The following PIK3C2G variants were observed in gnomAD, a reference collection of about 807,000 sequenced individuals.
PIK3C2G encodes the protein phosphatidylinositol 3-kinase C2 domain-containing subunit gamma.
In PIK3C2G, 168 loss-of-function variants were observed where a neutral mutation model predicts 181.1. The ratio of observed to expected loss-of-function variants is 0.93; its 90% CI spans 0.82 to 1.05. PIK3C2G has a LOEUF of 1.05. PIK3C2G is among the 50% of genes least tolerant of loss of function. The pLI, the probability that PIK3C2G is intolerant of heterozygous loss-of-function variation, is 0.00. For synonymous variants in PIK3C2G, 573 were observed against 592.2 expected, an observed-to-expected ratio of 0.97 and a Z score of 0.47; for missense variants, 1,869 against 1,732.8, an observed-to-expected ratio of 1.08 and a Z score of -1.40.
At chr12:18,532,269 C>T (rs1943595306) in intron 24 of PIK3C2G, among the ~76,000 whole-genome samples, 1 of 152,074 alleles carries the variant, frequency 6.6e-6, no homozygotes, top group African/African-American at 2.4e-5. Flanking sequence ...TTAAAATAGA[C>T]ACTCCAGATA....
chr12:18,711,152 A>C, the PIK3C2G span, among the ~76,000 whole-genome samples: 107 of 152,106 alleles, frequency 7.0e-4, no homozygotes, highest in East Asian at 0.019. Context: ...CAACAACGAT[A>C]GACTGGATTA....
At chr12:18,538,341 A>G in intron 25 of PIK3C2G, 29 bp downstream of exon 25, 1 of 1,568,368 alleles carries the variant, frequency 6.4e-7, no homozygotes, top group Non-Finnish European at 8.6e-7. Context: ...AAAAACAAAA[A>G]TAATAAGCTT....
At chr12:18,315,755 C>T (rs1003572378) in intron 6 of PIK3C2G, among the ~76,000 whole-genome samples, 1 of 152,104 alleles carries the variant, frequency 6.6e-6, no homozygotes, top group Non-Finnish European at 1.5e-5. Context: ...GATTTGAGCA[C>T]AGTCAGTGGG....
intron 31 of PIK3C2G, among the ~76,000 whole-genome samples, chr12:18,612,233 A>G (rs567360002): frequency 1.3e-5 from 2 of 152,142 alleles, no homozygotes; most frequent in South Asian, 4.1e-4. Context: ...TCCCAAGCTC[A>G]TGGATCAATA....
At chr12:18,581,830 T>C (rs541402126) in intron 29 of PIK3C2G, among the ~76,000 whole-genome samples, 43 of 152,144 alleles carry the variant, frequency 2.8e-4, no homozygotes, top group Admixed American at 1.0e-3. Context: ...AGTGTAAATA[T>C]GAAAAAGAAG....
At chr12:18,323,001 G>A (rs926562407) in intron 7 of PIK3C2G, among the ~76,000 whole-genome samples, 5 of 152,260 alleles carry the variant, frequency 3.3e-5, no homozygotes, top group Admixed American at 3.3e-4. Flanking sequence ...ATATCCTTGG[G>A]ACACAAAGGA....
intron 2 of PIK3C2G, among the ~76,000 whole-genome samples, chr12:18,285,622 G>T (rs2137150466): frequency 6.6e-6 from 1 of 152,014 alleles, no homozygotes; most frequent in Middle Eastern, 3.4e-3. Context: ...AAATGCAATG[G>T]TACAATAGTA....
chr12:18,449,604 T>C (rs1947235742), intron 18 of PIK3C2G, among the ~76,000 whole-genome samples: 1 of 152,162 alleles, frequency 6.6e-6, no homozygotes, highest in South Asian at 2.1e-4. Context: ...TCCAGCTTCG[T>C]CCATGTTCCT....
chr12:18,585,827 A>T (rs1312228498), intron 29 of PIK3C2G, among the ~76,000 whole-genome samples: 1 of 152,228 alleles, frequency 6.6e-6, no homozygotes, highest in Admixed American at 6.5e-5. Flanking sequence ...ATTCAAAATA[A>T]CCAGAATGAT....
At chr12:18,604,731 C>T (rs1265424219) in intron 30 of PIK3C2G, among the ~76,000 whole-genome samples, 2 of 152,134 alleles carry the variant, frequency 1.3e-5, no homozygotes, top group Non-Finnish European at 2.9e-5. Flanking sequence ...TGAAAATCAA[C>T]TCCAAAAGGA....
rs374919705 is a variant in PIK3C2G, at chr12:18,348,329, C to CGT, written c.1625+1511_1625+1512dup. On this transcript the variant is annotated intron_variant, in intron 11 of 32. Transcript: ENST00000538779. ...GAATATAAAAAAGTGTGCATTTACGCGTGTGTGTGTGTGTGTGTGCGTATG... is the reference window on the plus strand; with the variant it reads ...GAATATAAAAAAGTGTGCATTTACGCGTGTGTGTGTGTGTGTGTGTGCGTATG... Among the ~76,000 whole-genome samples the CGT allele has an allele frequency of 9.6e-3, 1,429 of 148,764 alleles. 15 individuals carry two copies. Among genetic ancestry groups the CGT allele is most frequent in the African/African-American group, 0.027 (1,107 of 40,608 alleles).
At chr12:18,393,259 CCT>C (rs1246983106) in intron 15 of PIK3C2G, among the ~76,000 whole-genome samples, 12 of 151,980 alleles carry the variant, frequency 7.9e-5, no homozygotes, top group Non-Finnish European at 1.5e-4. Context: ...GCAACATTTT[CCT>C]CTGTTTCACC....
At chr12:18,325,142 T>C (rs968328238) in intron 8 of PIK3C2G, 44 bp downstream of exon 8, 3 of 1,050,920 alleles carry the variant, frequency 2.9e-6, no homozygotes, top group Non-Finnish European at 4.3e-6. Flanking sequence ...GTAAGCGTTT[T>C]TAACGCATCT....
At chr12:18,530,639 A>G (rs966392504) in intron 24 of PIK3C2G, among the ~76,000 whole-genome samples, 1 of 152,188 alleles carries the variant, frequency 6.6e-6, no homozygotes, top group Non-Finnish European at 1.5e-5. Context: ...GTTGAATTGT[A>G]ATCCCCAATG....
chr12:18,291,931 G>A (rs1336819208), intron 4 of PIK3C2G, among the ~76,000 whole-genome samples: 1 of 151,034 alleles, frequency 6.6e-6, no homozygotes, highest in African/African-American at 2.4e-5. Flanking sequence ...TATAGGGGCT[G>A]GGCACAGTGG....
intron 29 of PIK3C2G, among the ~76,000 whole-genome samples, chr12:18,592,134 G>A (rs895728257): frequency 6.6e-6 from 1 of 151,752 alleles, no homozygotes; most frequent in Non-Finnish European, 1.5e-5. Context: ...GATATTTTGA[G>A]ATAGAAGGCT....
intron 26 of PIK3C2G, among the ~76,000 whole-genome samples, chr12:18,562,184 T>C (rs1256819318): frequency 6.6e-6 from 1 of 152,198 alleles, no homozygotes; most frequent in East Asian, 1.9e-4. Context: ...CAGGCTGGAG[T>C]GCAGCCGCAG....
chr12:18,688,129 A>T, the PIK3C2G span: 2 of 1,611,776 alleles, frequency 1.2e-6, no homozygotes, highest in East Asian at 4.5e-5. Context: ...TCATTTGATC[A>T]TTTGGAACAC....
intron 29 of PIK3C2G, among the ~76,000 whole-genome samples, chr12:18,586,216 A>G (rs2136449158): frequency 6.6e-6 from 1 of 152,280 alleles, no homozygotes; most frequent in South Asian, 2.1e-4. Context: ...AATATGAAAT[A>G]ACCAAAATCA....
Sources: allele counts gnomAD v4.1 joint callset (sites outside exome capture counted in the v4.1 genomes callset), GRCh38; gene constraint gnomAD v4.1.1; transcripts MANE v1.5; gene names NCBI Gene and HGNC (gene_info 2026-07-23, HGNC 2026-07-21).